Variants in GPC6 observed in about 807,000 individuals in gnomAD.
GPC6 encodes glypican 6, also known as glypican-6.
Under a neutral mutation model 55.2 loss-of-function variants are expected in GPC6, and 14 were observed. That is an observed-to-expected ratio of 0.25 (90% CI 0.17 to 0.40). The LOEUF is 0.40. Ranked by LOEUF, GPC6 falls within the 10% of genes least tolerant of loss-of-function variation. GPC6 has a pLI of 1.00. For synonymous variants in GPC6, 278 were observed against 259.6 expected (o/e 1.07, Z -0.68); for missense variants, 641 against 708.5 (o/e 0.90, Z 1.08).
At chr13:93,944,650 T>G (rs903643784) in intron 3 of GPC6, among the ~76,000 whole-genome samples, 6 of 152,246 alleles carry the variant, frequency 3.9e-5, no homozygotes, top group African/African-American at 1.2e-4. Context: ...AAAGTTGGTA[T>G]AAATATGATG....
chr13:94,143,066 C>T (rs1887441520), intron 4 of GPC6, among the ~76,000 whole-genome samples: 1 of 151,774 alleles, frequency 6.6e-6, no homozygotes, highest in Non-Finnish European at 1.5e-5. Flanking sequence ...ACCTCATGAT[C>T]CGCCTGCCTC....
At chr13:94,150,901 G>A (rs556362555) in intron 4 of GPC6, among the ~76,000 whole-genome samples, 1 of 148,772 alleles carries the variant, frequency 6.7e-6, no homozygotes, top group Non-Finnish European at 1.5e-5. Flanking sequence ...ATATCACTGA[G>A]ACCTTGGTGT....
In GPC6 at chr13:93,892,430, G is replaced by T. The variant is rs1005673224; in HGVS notation, c.711+61885G>T. ...TCATATGGATTTAATAATCAGGAAA[G>T]AAGTAGATATTTTGTCAATATGGAT... is the stretch of plus-strand genomic sequence containing the variant. On this transcript the variant is annotated intron_variant, in intron 3 of 8. Coordinates refer to ENST00000377047, the MANE Select transcript of GPC6 (RefSeq NM_005708.5). Among the ~76,000 whole-genome samples the T allele has an allele frequency of 3.3e-5, 5 of 152,282 alleles. No homozygotes were observed. In the South Asian group the frequency reaches 8.3e-4, roughly 25 times the overall value.
chr13:94,263,480 CT>C (rs1218144370), intron 4 of GPC6, among the ~76,000 whole-genome samples: 3 of 152,160 alleles, frequency 2.0e-5, no homozygotes, highest in Non-Finnish European at 4.4e-5. Context: ...TTTTATACCC[CT>C]GTGCCTCTGC....
chr13:93,645,041 C>A (rs1325140833), intron 2 of GPC6, among the ~76,000 whole-genome samples: 2 of 151,940 alleles, frequency 1.3e-5, no homozygotes, highest in African/African-American at 4.8e-5. Flanking sequence ...AGAACTAGAA[C>A]TGGAAAAGTC....
At chr13:93,924,933 A>G (rs1003083782) in intron 3 of GPC6, among the ~76,000 whole-genome samples, 3 of 152,198 alleles carry the variant, frequency 2.0e-5, no homozygotes, top group African/African-American at 7.2e-5. Context: ...TCATTAACGT[A>G]TTATTACATC....
intron 4 of GPC6, among the ~76,000 whole-genome samples, chr13:94,213,801 C>A (rs1890153663): frequency 6.6e-6 from 1 of 152,188 alleles, no homozygotes. Flanking sequence ...TCCCAGCCTC[C>A]AGAAGTAAAG....
At chr13:93,356,786 C>G (rs1053196133) in intron 1 of GPC6, among the ~76,000 whole-genome samples, 2 of 152,122 alleles carry the variant, frequency 1.3e-5, no homozygotes, top group East Asian at 3.9e-4. Context: ...TTTGCAGGAG[C>G]CTTTCAGCTG....
chr13:93,277,869 TTA>T (rs2139063130), intron 1 of GPC6, among the ~76,000 whole-genome samples: 1 of 152,278 alleles, frequency 6.6e-6, no homozygotes, highest in Admixed American at 6.5e-5. Context: ...TTAAGGGTTT[TTA>T]TGTTTGCTTT....
At chr13:94,007,246 T>G (rs1373179220) in intron 3 of GPC6, among the ~76,000 whole-genome samples, 1 of 152,200 alleles carries the variant, frequency 6.6e-6, no homozygotes, top group African/African-American at 2.4e-5. Context: ...ATTAATTCAT[T>G]GAAACACTCA....
chr13:93,818,822 G>A (rs538240553), intron 2 of GPC6: 1 of 152,214 alleles, frequency 6.6e-6, no homozygotes, highest in African/African-American at 2.4e-5. Flanking sequence ...ATGAAGGAAA[G>A]AATAGAATTG....
At chr13:94,027,415 G>A (rs1054452010) in intron 3 of GPC6, among the ~76,000 whole-genome samples, 4 of 152,182 alleles carry the variant, frequency 2.6e-5, no homozygotes, top group South Asian at 2.1e-4. Context: ...TAATACCTAC[G>A]TTTTTATGGG....
intron 7 of GPC6, among the ~76,000 whole-genome samples, chr13:94,390,556 G>A (rs1880598027): frequency 6.6e-6 from 1 of 152,064 alleles, no homozygotes; most frequent in African/African-American, 2.4e-5. Context: ...GAGGGAAGGG[G>A]GTGGTGCCAC....
intron 2 of GPC6, among the ~76,000 whole-genome samples, chr13:93,822,452 A>T (rs967725220): frequency 1.3e-5 from 2 of 152,152 alleles, no homozygotes; most frequent in East Asian, 3.9e-4. Context: ...AATTATTATT[A>T]TTATTTTATT....
At chr13:93,461,223 A>G (rs2139314853) in intron 1 of GPC6, among the ~76,000 whole-genome samples, 1 of 152,300 alleles carries the variant, frequency 6.6e-6, no homozygotes, top group African/African-American at 2.4e-5. Flanking sequence ...GAAACTAAAT[A>G]CTAGTTTTGG....
chr13:94,110,865 T>G (rs1886220707), intron 4 of GPC6, among the ~76,000 whole-genome samples: 1 of 152,154 alleles, frequency 6.6e-6, no homozygotes, highest in Non-Finnish European at 1.5e-5. Flanking sequence ...ACAAGAATTT[T>G]TGTTTATTTA....
At chr13:94,148,267 A>G (rs934742221) in intron 4 of GPC6, among the ~76,000 whole-genome samples, 1 of 152,184 alleles carries the variant, frequency 6.6e-6, no homozygotes, top group Non-Finnish European at 1.5e-5. Context: ...TATTAAAGCA[A>G]TTGGCTTGAG....
At chr13:94,090,738 T>C (rs1885450492) in intron 4 of GPC6, among the ~76,000 whole-genome samples, 1 of 152,154 alleles carries the variant, frequency 6.6e-6, no homozygotes, top group African/African-American at 2.4e-5. Flanking sequence ...ATTTTATGGA[T>C]AAGTCTGGGT....
chr13:93,772,581 A>G (rs1885338391), intron 2 of GPC6, among the ~76,000 whole-genome samples: 5 of 152,134 alleles, frequency 3.3e-5, no homozygotes, highest in Admixed American at 2.6e-4. Context: ...ATATATACAC[A>G]AGGAAGAGAA....
Sources: gnomAD v4.1 joint callset for allele counts (sites outside exome capture counted in the v4.1 genomes callset) on GRCh38, gnomAD v4.1.1 for gene constraint, MANE v1.5 for transcripts, NCBI Gene and HGNC (gene_info 2026-07-23, HGNC 2026-07-21) for gene names.